ARRDC3: variants seen among roughly 807,000 people sequenced by gnomAD.
ARRDC3 encodes the protein arrestin domain containing 3.
A neutral mutation model predicts 47.2 loss-of-function variants in ARRDC3; 10 were observed. The observed-to-expected ratio is 0.21, with a 90% CI of 0.13 to 0.36. The LOEUF (loss-of-function observed/expected upper bound fraction) is 0.36. Among genes scored for constraint, ARRDC3 ranks in the 10% least tolerant of loss-of-function variants. The pLI, the probability that ARRDC3 is intolerant of heterozygous loss-of-function variation, is 1.00. For synonymous variants in ARRDC3, 156 were observed against 178.3 expected (o/e 0.87, Z 1.00); for missense variants, 381 against 503.6 (o/e 0.76, Z 2.33).
At chr5:91,376,420 G>C in intron 3 of ARRDC3, 1 of 505,270 alleles carries the variant, frequency 2.0e-6, no homozygotes, top group Non-Finnish European at 3.5e-6. Flanking sequence ...TTACTTAAAG[G>C]TATACTACAA....
chr5:91,382,780 G>C (rs377047802), intron 1 of ARRDC3, 33 bp downstream of exon 1: 68 of 1,575,304 alleles, frequency 4.3e-5, no homozygotes, highest in Non-Finnish European at 5.5e-5. Context: ...CAAAGAAAAT[G>C]AGTCCAATGA....
chr5:91,381,314 A>G (rs1561296315), intron 1 of ARRDC3, among the ~76,000 whole-genome samples: 1 of 152,168 alleles, frequency 6.6e-6, no homozygotes, highest in Non-Finnish European at 1.5e-5. Context: ...ACTTTTCCCC[A>G]CTGCAAGTCT....
intron 2 of ARRDC3, among the ~76,000 whole-genome samples, chr5:91,377,844 A>G (rs927272073): frequency 6.6e-6 from 1 of 152,066 alleles, no homozygotes; most frequent in African/African-American, 2.4e-5. Flanking sequence ...TTTCTAAAAA[A>G]TACCATTTAT....
intron 1 of ARRDC3, among the ~76,000 whole-genome samples, chr5:91,379,543 A>G (rs1407844886): frequency 6.6e-6 from 1 of 152,118 alleles, no homozygotes; most frequent in East Asian, 1.9e-4. Flanking sequence ...CTAACTATTA[A>G]TAGTTTCCAG....
rs534174553 is a variant in ARRDC3 at position 91,368,692 on chromosome 5, T to C, written c.*2708A>G. ...GTTTGCATGTATGGTGAGTTACTAA[T>C]ATGATCAAGATTCAAATAAATCTCC... On this transcript the variant is annotated 3_prime_UTR_variant, in exon 8 of 8. Transcript: ENST00000265138. 2 of 152,470 alleles carry C rather than the reference T, an allele frequency of 1.3e-5. No individual in the cohort carries two copies. The highest frequency in any genetic ancestry group is 6.5e-5 in the Admixed American group (1 of 15,296). The allele number at this position is 152,470 out of a possible 1,614,324, so 9.4% of individuals were successfully genotyped here.
In ARRDC3 at chr5:91,369,559, G is replaced by A. The variant is rs554195088; in HGVS notation, c.*1841C>T. On this transcript the variant is annotated 3_prime_UTR_variant, in exon 8 of 8. Transcript: ENST00000265138. ...TTTCTTAAAGGCCACTTATGGAAAA[G>A]CCTATTTGTTTTGTATGAGCTTTAA... 2.0e-5 allele frequency: 3 copies of A among 152,502 alleles called. No homozygotes were observed. The highest frequency in any genetic ancestry group is 7.2e-5 in the African/African-American group (3 of 41,448). The allele number at this position is 152,502 out of a possible 1,614,324, so 9.4% of individuals were successfully genotyped here. A position where few individuals can be genotyped will look rare whatever the true frequency, so the allele number is the denominator to read the frequency against.
In ARRDC3 at chr5:91,373,669, G is replaced by A; in HGVS notation, c.1188+15C>T. On this transcript the variant is annotated intron_variant, in intron 7 of 7. Coordinates refer to ENST00000265138, the MANE Select transcript of ARRDC3 (RefSeq NM_020801.4). Reference sequence around the variant, plus strand: ...GATAGCCAGTTCATTTCATACTTAAGGAGTAGGTACTTACCTCTGAATAAA... The same window carrying A: ...GATAGCCAGTTCATTTCATACTTAAAGAGTAGGTACTTACCTCTGAATAAA... 6 of 1,594,300 alleles carry A rather than the reference G, an allele frequency of 3.8e-6. No individual in the cohort carries two copies. Among genetic ancestry groups the A allele is most frequent in the Non-Finnish European group, 5.1e-6 (6 of 1,165,672 alleles).
intron 2 of ARRDC3, among the ~76,000 whole-genome samples, chr5:91,378,263 G>A (rs1040014098): frequency 3.3e-5 from 5 of 151,920 alleles, no homozygotes; most frequent in South Asian, 2.1e-4. Context: ...TTTTATTTTC[G>A]AAACTTACTG....
Position 91,368,773 on chromosome 5 carries a change from CA to C in ARRDC3, c.*2626del, listed in dbSNP as rs1799098205. 1 of 152,192 alleles carries C rather than the reference CA, an allele frequency of 6.6e-6. No individual in the cohort carries two copies. The highest frequency in any genetic ancestry group is 1.5e-5 in the Non-Finnish European group (1 of 67,948). The allele number at this position is 152,192 out of a possible 1,614,324, so 9.4% of individuals were successfully genotyped here. On this transcript the variant is annotated 3_prime_UTR_variant, in exon 8 of 8. Coordinates refer to ENST00000265138, the MANE Select transcript of ARRDC3 (RefSeq NM_020801.4). ...ACACTTTATTTTCCACAAGGAAGAG[CA>C]ATAGGAAAAATTAAATCATTTCCCA...
intron 1 of ARRDC3, chr5:91,379,766 A>T (rs902157673): frequency 2.0e-5 from 3 of 152,160 alleles, no homozygotes; most frequent in African/African-American, 7.2e-5. Context: ...AGAGTAGAAA[A>T]AACTGGCACA....
intron 2 of ARRDC3, among the ~76,000 whole-genome samples, chr5:91,378,397 T>C (rs1207919197): frequency 6.6e-6 from 1 of 152,086 alleles, no homozygotes; most frequent in Non-Finnish European, 1.5e-5. Context: ...TATAAAGTGG[T>C]TATTATTCGA....
At position 91,369,967 on chromosome 5, in the gene ARRDC3, T is replaced by C. The variant is rs140200762; in HGVS notation, c.*1433A>G. ...GTTTAGCAAATTGTTCTTTAGGTAA[T>C]GAAAAACAGTATTCTCATTAGAAAA... On this transcript the variant is annotated 3_prime_UTR_variant, in exon 8 of 8. Transcript: ENST00000265138. 624 of 152,264 alleles carry C rather than the reference T, an allele frequency of 4.1e-3. 2 individuals carry two copies. Among genetic ancestry groups the C allele is most frequent in the African/African-American group, 0.015 (604 of 41,558 alleles). 9.4% of individuals were successfully genotyped at this position (152,264 alleles called of 1,614,324 possible). A position where few individuals can be genotyped will look rare whatever the true frequency, so the allele number is the denominator to read the frequency against.
chr5:91,375,542 A>G lies in ARRDC3; in HGVS notation c.582T>C (p.Ser194=). ...TATAGCCCTTCCTTTCAATTTTGGC[A>G]CTTAAGGATATTGGGCCTGAGGTAC... ...WFCTSGPISL[S]AKIERKGYTP... Residue 194 remains serine, a synonymous_variant, in exon 4 of 8, where the codon AGT becomes AGC. Transcript: ENST00000265138. 1.2e-6 allele frequency: 2 copies of G among 1,611,974 alleles called. No individual in the cohort carries two copies. Among genetic ancestry groups the G allele is most frequent in the Non-Finnish European group, 1.7e-6 (2 of 1,178,784 alleles).
At chr5:91,375,887 T>C (rs1336431417) in intron 3 of ARRDC3, among the ~76,000 whole-genome samples, 1 of 152,126 alleles carries the variant, frequency 6.6e-6, no homozygotes, top group African/African-American at 2.4e-5. Context: ...TAGCTCACAC[T>C]ATTTACAAAT....
At chr5:91,380,319 G>GC (rs1799420800) in intron 1 of ARRDC3, 1 of 152,998 alleles carries the variant, frequency 6.5e-6, no homozygotes, top group Admixed American at 6.5e-5. Flanking sequence ...CTGGCCGGGG[G>GC]GCGGGGCGAG....
chr5:91,377,568 A>C (rs972977413), intron 2 of ARRDC3, among the ~76,000 whole-genome samples: 2 of 114,650 alleles, frequency 1.7e-5, no homozygotes, highest in African/African-American at 7.7e-5. Context: ...TGGTGTTTTC[A>C]TAATTTTTTT....
At chr5:91,381,713 T>C (rs968449836) in intron 1 of ARRDC3, among the ~76,000 whole-genome samples, 19 of 152,192 alleles carry the variant, frequency 1.2e-4, no homozygotes, top group African/African-American at 4.6e-4. Flanking sequence ...CGCCAACATC[T>C]GAACTAAATA....
rs1337425825 is a variant in ARRDC3, at chr5:91,371,130, G to A, written c.*270C>T. 1 of 365,656 alleles carries A rather than the reference G, an allele frequency of 2.7e-6. No individual in the cohort carries two copies. Among genetic ancestry groups the A allele is most frequent in the Non-Finnish European group, 5.0e-6 (1 of 201,884 alleles). The allele number at this position is 365,656 out of a possible 1,614,324, so 22.7% of individuals were successfully genotyped here. On this transcript the variant is annotated 3_prime_UTR_variant, in exon 8 of 8. Coordinates refer to ENST00000265138, the MANE Select transcript of ARRDC3 (RefSeq NM_020801.4). The stretch of plus-strand genomic sequence containing the variant: ...ATCCCTCTTTACAACGTGATGTCTT[G>A]ACACGTACGACCATAGGCTAAGAAG...
intron 2 of ARRDC3, among the ~76,000 whole-genome samples, chr5:91,377,064 T>C (rs1019950321): frequency 6.6e-6 from 1 of 152,220 alleles, no homozygotes; most frequent in Admixed American, 6.5e-5. Context: ...GAAAGTTTAA[T>C]GGGCATTTTT....
Sources: allele counts gnomAD v4.1 joint callset (sites outside exome capture counted in the v4.1 genomes callset), GRCh38; gene constraint gnomAD v4.1.1; transcripts MANE v1.5; gene names NCBI Gene and HGNC (gene_info 2026-07-23, HGNC 2026-07-21).